TRPM3: variants seen among roughly 807,000 people sequenced by gnomAD.
TRPM3 encodes the protein transient receptor potential cation channel subfamily M member 3.
TRPM3 carries 77 observed loss-of-function variants against 181.2 expected under a neutral mutation model. The observed-to-expected ratio is 0.42, with a 90% CI of 0.35 to 0.51. The LOEUF (loss-of-function observed/expected upper bound fraction) is 0.51. Ranked by LOEUF, TRPM3 falls within the 20% of genes least tolerant of loss-of-function variation. The probability of loss-of-function intolerance (pLI) is 0.01; values close to 1 mark genes in which losing one functional copy is unlikely to be tolerated. For synonymous variants in TRPM3, 745 were observed against 796.4 expected, an observed-to-expected ratio of 0.94 and a Z score of 1.09; for missense variants, 1,759 against 2,196.7, an observed-to-expected ratio of 0.80 and a Z score of 3.98.
At chr9:71,206,689 G>T (rs750348624) in intron 1 of TRPM3, among the ~76,000 whole-genome samples, 1 of 151,992 alleles carries the variant, frequency 6.6e-6, no homozygotes, top group Non-Finnish European at 1.5e-5. Context: ...GTATTGCCTA[G>T]GTTTTCTTCT....
At position 70,761,608 on chromosome 9, in the gene TRPM3, T is replaced by C; in HGVS notation, c.1265A>G (p.Lys422Arg). Reference protein sequence around the residue: ...FIILMECMKKKELITVFRMGS... With the variant: ...FIILMECMKKRELITVFRMGS... ...CCATGCGGAATTACCTACCAATTCC[T>C]TCTTCTTCATGCACTCCATGAGGAT... Residue 422 changes from lysine (K) to arginine (R), a missense_variant, in exon 8 of 26, where the codon AAG (lysine) becomes AGG (arginine). Physicochemically the swap from Lys to Arg is conservative, Grantham distance 26 (BLOSUM62 2). This residue lies in a region of TRPM3 where 737 missense variants were observed against 957.4 expected (regional missense o/e 0.77). Coordinates refer to ENST00000677713, the MANE Select transcript of TRPM3 (RefSeq NM_001366145.2). The C allele has an allele frequency of 6.2e-7, 1 of 1,614,040 alleles. No homozygotes were observed. Among genetic ancestry groups the C allele is most frequent in the South Asian group, 1.1e-5 (1 of 91,084 alleles).
rs17055297 is a variant in TRPM3 at position 70,553,137 on chromosome 9, C to T, written c.3374+23G>A. ...ACCCCTGCTGTCCTCATCCATCCCA[C>T]GTGCTCCAAAGGACCCACTTACTTA... On this transcript the variant is annotated intron_variant, in intron 23 of 25. Coordinates refer to ENST00000677713, the MANE Select transcript of TRPM3 (RefSeq NM_001366145.2). The T allele has an allele frequency of 4.6e-3, 7,505 of 1,614,080 alleles. 276 individuals are homozygous for T. In the East Asian group the frequency reaches 0.096, roughly 21 times the overall value.
chr9:70,929,696 T>C (rs1352273379), intron 1 of TRPM3, among the ~76,000 whole-genome samples: 1 of 152,160 alleles, frequency 6.6e-6, no homozygotes, highest in Non-Finnish European at 1.5e-5. Context: ...AGGGAAAAAT[T>C]ACTTCTCCAT....
intron 1 of TRPM3, among the ~76,000 whole-genome samples, chr9:71,063,891 A>G (rs1239972722): frequency 1.3e-5 from 2 of 152,096 alleles, no homozygotes; most frequent in East Asian, 3.9e-4. Flanking sequence ...ACTGAAAGTC[A>G]TTGAATAGAG....
intron 1 of TRPM3, among the ~76,000 whole-genome samples, chr9:71,127,756 G>A (rs965747416): frequency 1.3e-5 from 2 of 152,130 alleles, no homozygotes; most frequent in East Asian, 1.9e-4. Context: ...GTCCATAAGC[G>A]CACAGGCCAT....
intron 1 of TRPM3, among the ~76,000 whole-genome samples, chr9:71,396,874 G>A (rs2093211415): frequency 1.3e-5 from 2 of 151,552 alleles, no homozygotes. Flanking sequence ...GCTGAGGCAG[G>A]AGAATCGCTT....
chr9:70,959,159 T>C (rs993889886), intron 1 of TRPM3, among the ~76,000 whole-genome samples: 5 of 149,194 alleles, frequency 3.4e-5, no homozygotes, highest in African/African-American at 1.2e-4. Flanking sequence ...ATAATAATAA[T>C]AAAAAAAAGA....
At chr9:70,634,967 G>A (rs2056898204) in intron 12 of TRPM3, among the ~76,000 whole-genome samples, 1 of 152,076 alleles carries the variant, frequency 6.6e-6, no homozygotes, top group African/African-American at 2.4e-5. Context: ...CTACCCAAAA[G>A]CATTATGTCC....
At chr9:70,847,268 T>C (rs2095005725) in intron 3 of TRPM3, among the ~76,000 whole-genome samples, 1 of 152,164 alleles carries the variant, frequency 6.6e-6, no homozygotes, top group African/African-American at 2.4e-5. Flanking sequence ...ATACTATAAA[T>C]ACATGCAGTA....
At chr9:70,971,442 G>A (rs558939932) in intron 1 of TRPM3, among the ~76,000 whole-genome samples, 18 of 151,916 alleles carry the variant, frequency 1.2e-4, no homozygotes, top group South Asian at 6.3e-4. Context: ...TCTATTCACC[G>A]CTAGGAACAC....
At chr9:70,740,000 G>A (rs1044199954) in intron 8 of TRPM3, among the ~76,000 whole-genome samples, 4 of 152,118 alleles carry the variant, frequency 2.6e-5, no homozygotes, top group Admixed American at 2.6e-4. Flanking sequence ...GAAATAAAGG[G>A]CATCCAAATC....
At position 70,864,525 on chromosome 9, in the gene TRPM3, C is replaced by CAAAAAAAAAAAAAAA. The variant is rs71367234; in HGVS notation, c.178-29_178-15dup. On this transcript the variant is annotated splice_polypyrimidine_tract_variant and intron_variant, in intron 1 of 25. Transcript: ENST00000677713. ...GGATTTCTGAGCCTGAAAAAGAAAACAAAAAAAAAAAAAAAAGAAAAAAGA... is the reference window on the plus strand; with the variant it reads ...GGATTTCTGAGCCTGAAAAAGAAAACAAAAAAAAAAAAAAAAAAAAAAAAAAAAAAAGAAAAAAGA... 240 of 899,080 alleles carry CAAAAAAAAAAAAAAA rather than the reference C, an allele frequency of 2.7e-4. 1 individual carries two copies. Among genetic ancestry groups the CAAAAAAAAAAAAAAA allele is most frequent in the African/African-American group, 8.1e-4 (38 of 46,656 alleles). 55.7% of individuals were successfully genotyped at this position (899,080 alleles called of 1,614,324 possible).
At chr9:70,990,214 G>A (rs1044957203) in intron 1 of TRPM3, among the ~76,000 whole-genome samples, 69 of 152,114 alleles carry the variant, frequency 4.5e-4, no homozygotes, top group African/African-American at 1.6e-3. Context: ...TGCAGTGTTC[G>A]GTGGCAGATG....
At position 71,277,679 on chromosome 9, in the gene TRPM3, A is replaced by T. The variant is rs79150192; in HGVS notation, c.183+168974T>A. 1.8e-4 allele frequency among the ~76,000 whole-genome samples: 28 copies of T among 152,298 alleles called. 1 individual carries two copies. The East Asian group carries it at 5.4e-3, about 29-fold the overall frequency. On this transcript the variant is annotated intron_variant, in intron 1 of 24. Coordinates refer to the TRPM3 transcript ENST00000357533. The stretch of plus-strand genomic sequence containing the variant: ...TGCAGAGCACCTCCCCAAATAGAAA[A>T]TGTCTGCGGTCCAATATGAATATAA...
intron 1 of TRPM3, among the ~76,000 whole-genome samples, chr9:71,187,322 G>A (rs2077736271): frequency 6.6e-6 from 1 of 151,940 alleles, no homozygotes; most frequent in Non-Finnish European, 1.5e-5. Flanking sequence ...ATAGTTTGAA[G>A]TTCTCTCTTC....
chr9:71,232,483 TTCAG>T (rs910270913), intron 1 of TRPM3, among the ~76,000 whole-genome samples: 4 of 146,564 alleles, frequency 2.7e-5, no homozygotes, highest in African/African-American at 1.0e-4. Context: ...GGAAATTGAA[TTCAG>T]TGTCTTTTTT....
intron 1 of TRPM3, among the ~76,000 whole-genome samples, chr9:71,371,990 C>T (rs1053238158): frequency 6.6e-6 from 1 of 152,122 alleles, no homozygotes; most frequent in African/African-American, 2.4e-5. Context: ...CCACATCCCC[C>T]CCACAGGTGC....
intron 1 of TRPM3, among the ~76,000 whole-genome samples, chr9:71,255,285 G>C (rs1024226806): frequency 6.6e-6 from 1 of 152,034 alleles, no homozygotes; most frequent in Non-Finnish European, 1.5e-5. Context: ...ATGCTAAATG[G>C]TTAGTCAAGA....
chr9:70,593,312 T>C (rs972899173), intron 21 of TRPM3, among the ~76,000 whole-genome samples: 6 of 152,240 alleles, frequency 3.9e-5, no homozygotes, highest in Non-Finnish European at 8.8e-5. Context: ...GAAAGTTTTA[T>C]AGAAAACATG....
Sources: gnomAD v4.1 joint callset for allele counts (sites outside exome capture counted in the v4.1 genomes callset) on GRCh38, gnomAD v4.1.1 for gene constraint, gnomAD v4.1.1 regional missense constraint, MANE v1.5 for transcripts, NCBI Gene and HGNC (gene_info 2026-07-23, HGNC 2026-07-21) for gene names.